The following SERINC1 variants were observed in gnomAD, a reference collection of about 807,000 sequenced individuals.
The protein encoded by SERINC1 is serine incorporator 1.
Under a neutral mutation model 52.9 loss-of-function variants are expected in SERINC1, and 38 were observed. The ratio of observed to expected loss-of-function variants is 0.72; its 90% CI spans 0.55 to 0.94. SERINC1 has a LOEUF of 0.94. Ranked by LOEUF, SERINC1 falls within the 40% of genes least tolerant of loss-of-function variation. SERINC1 has a pLI of 0.00. For missense variants in SERINC1, 471 were observed against 533.9 expected (o/e 0.88, Z 1.16); for synonymous variants, 198 against 183.1 (o/e 1.08, Z -0.66).
chr6:122,449,740 G>T (rs1206422855), intron 7 of SERINC1, among the ~76,000 whole-genome samples: 6 of 152,220 alleles, frequency 3.9e-5, no homozygotes, highest in Non-Finnish European at 7.3e-5. Flanking sequence ...ACACTGGTCA[G>T]GCATGGTTGC....
intron 1 of SERINC1, 90 bp downstream of exon 1, chr6:122,471,609 A>G: frequency 6.5e-7 from 1 of 1,547,242 alleles, no homozygotes; most frequent in Non-Finnish European, 8.9e-7. Flanking sequence ...GGGGCACCAC[A>G]TTCCCGCCGG....
chr6:122,445,883 C>CAAAAAAAAAAAAAAAAAAAAAAA (rs71018202), intron 9 of SERINC1, among the ~76,000 whole-genome samples: 18 of 62,800 alleles, frequency 2.9e-4, no homozygotes, highest in Non-Finnish European at 3.4e-4. Context: ...GACTCCATTT[C>CAAAAAAAAAAAAAAAAAAAAAAA]AAAAAAAAAA....
chr6:122,460,979 C>T (rs1403581577), intron 1 of SERINC1, among the ~76,000 whole-genome samples: 1 of 151,568 alleles, frequency 6.6e-6, no homozygotes, highest in Non-Finnish European at 1.5e-5. Flanking sequence ...TAATAATGAA[C>T]CTGAAGACAT....
intron 1 of SERINC1, among the ~76,000 whole-genome samples, chr6:122,469,545 GTT>G (rs1002724954): frequency 6.7e-6 from 1 of 149,572 alleles, no homozygotes; most frequent in African/African-American, 2.5e-5. Flanking sequence ...GCTGATTTTT[GTT>G]TTTTTGTTTT....
At chr6:122,467,084 A>G (rs1775203143) in intron 1 of SERINC1, among the ~76,000 whole-genome samples, 1 of 152,168 alleles carries the variant, frequency 6.6e-6, no homozygotes, top group African/African-American at 2.4e-5. Flanking sequence ...CGTCAACCAA[A>G]TGAATACAAG....
In SERINC1 at chr6:122,465,331, T is replaced by G. The variant is rs890390000; in HGVS notation, c.39+6368A>C. On this transcript the variant is annotated intron_variant, in intron 1 of 9. Coordinates refer to ENST00000339697, the MANE Select transcript of SERINC1 (RefSeq NM_020755.4). Reference sequence around the variant, plus strand: ...GGTTGAATGTCTTTCCAAAGAGCAGTTAAGACTCCCAGATTTCATTCCATT... The same window carrying G: ...GGTTGAATGTCTTTCCAAAGAGCAGGTAAGACTCCCAGATTTCATTCCATT... Among the ~76,000 whole-genome samples the G allele has an allele frequency of 8.5e-5, 13 of 152,276 alleles. No homozygotes were observed. The East Asian group carries it at 9.7e-4, about 11-fold the overall frequency.
chr6:122,460,397 G>A (rs1775081074), intron 1 of SERINC1, among the ~76,000 whole-genome samples: 1 of 152,264 alleles, frequency 6.6e-6, no homozygotes, highest in South Asian at 2.1e-4. Flanking sequence ...TTTCTGCCTA[G>A]GGAGAATGTT....
Position 122,453,808 on chromosome 6 carries a change from T to C in SERINC1, c.551A>G (p.Glu184Gly). 1 of 1,608,458 alleles carries C rather than the reference T, an allele frequency of 6.2e-7. No homozygotes were observed. Among genetic ancestry groups the C allele is most frequent in the Non-Finnish European group, 8.5e-7 (1 of 1,176,168 alleles). The stretch of plus-strand genomic sequence containing the variant: ...TCTCGAGTTCCCTTCTTCCATTTTT[T>C]CAACCCACGATTCATTCCATGAATG... ...FAHSWNESWV[E>G]KMEEGNSRCW... Residue 184 changes from glutamate (E) to glycine (G), a missense_variant, in exon 5 of 10, where the codon GAA becomes GGA. Glu to Gly is a moderately conservative substitution (Grantham distance 98). Coordinates refer to ENST00000339697, the MANE Select transcript of SERINC1 (RefSeq NM_020755.4).
chr6:122,458,134 T>C (rs748501778), intron 2 of SERINC1, among the ~76,000 whole-genome samples: 5 of 152,186 alleles, frequency 3.3e-5, no homozygotes, highest in Non-Finnish European at 7.4e-5. Context: ...ACTTTATTAA[T>C]TGTAAGATTA....
At chr6:122,450,385 T>C (rs564214584) in intron 7 of SERINC1, among the ~76,000 whole-genome samples, 1 of 152,332 alleles carries the variant, frequency 6.6e-6, no homozygotes, top group South Asian at 2.1e-4. Context: ...AAAAGATCCT[T>C]TCAAAATATT....
intron 1 of SERINC1, among the ~76,000 whole-genome samples, chr6:122,462,021 TAA>T (rs1290363365): frequency 4.0e-4 from 61 of 152,204 alleles, no homozygotes; most frequent in African/African-American, 1.3e-3. Context: ...ATAAAAAGGA[TAA>T]TATATTGCCA....
In SERINC1 at chr6:122,458,063, G is replaced by A. The variant is rs184725532; in HGVS notation, c.201+457C>T. On this transcript the variant is annotated intron_variant, in intron 2 of 9. Transcript: ENST00000339697. ...ATCCAGAAAATCTTATTTCAGGTCC[G>A]CTATTCTCTTCTTGATTATACCACT... 3.7e-3 allele frequency among the ~76,000 whole-genome samples: 555 copies of A among 152,054 alleles called. 4 individuals are homozygous for A. The highest frequency in any genetic ancestry group is 0.012 in the African/African-American group (511 of 41,476).
At chr6:122,453,970 A>C in intron 4 of SERINC1, 63 bp from the exon 5 acceptor site, 2 of 1,501,592 alleles carry the variant, frequency 1.3e-6, no homozygotes, top group South Asian at 2.6e-5. Flanking sequence ...TTTCCTTTCA[A>C]AATCACAGTA....
At chr6:122,464,395 T>C (rs1328411972) in intron 1 of SERINC1, among the ~76,000 whole-genome samples, 1 of 152,140 alleles carries the variant, frequency 6.6e-6, no homozygotes, top group African/African-American at 2.4e-5. Context: ...CACACTACTT[T>C]TTGAGAAGGG....
chr6:122,454,286 T>C, intron 3 of SERINC1, 56 bp from the exon 4 acceptor site: 1 of 904,306 alleles, frequency 1.1e-6, no homozygotes, highest in Non-Finnish European at 1.7e-6. Context: ...AATAATTTCA[T>C]ATATGAAATC....
At position 122,446,819 on chromosome 6, in the gene SERINC1, A is replaced by G; in HGVS notation, c.1181T>C (p.Phe394Ser). The change falls in exon 9 of 10, where the codon TTC becomes TCC. Residue 394 changes from phenylalanine to serine, a missense_variant. Coordinates refer to ENST00000339697, the MANE Select transcript of SERINC1 (RefSeq NM_020755.4). ...YSYSFFHFML[F>S]LASLYIMMTL... ...CATCATGATATAAAGTGAAGCCAGGAAAAGCATGAAGTGAAAGAAGGAATA... is the reference window on the plus strand; with the variant it reads ...CATCATGATATAAAGTGAAGCCAGGGAAAGCATGAAGTGAAAGAAGGAATA... 6.2e-7 allele frequency: 1 copy of G among 1,613,900 alleles called. No homozygotes were observed. The highest frequency in any genetic ancestry group is 8.5e-7 in the Non-Finnish European group (1 of 1,179,760).
intron 1 of SERINC1, among the ~76,000 whole-genome samples, chr6:122,466,479 G>A (rs972528075): frequency 5.3e-5 from 8 of 151,996 alleles, no homozygotes; most frequent in Admixed American, 2.6e-4. Context: ...GGTGTAGCTG[G>A]GACCATAAGC....
Position 122,449,014 on chromosome 6 carries a change from T to C in SERINC1, c.851-1749A>G, listed in dbSNP as rs147697100. Among the ~76,000 whole-genome samples the C allele has an allele frequency of 4.7e-3, 720 of 152,280 alleles. 5 individuals are homozygous for C. The highest frequency in any genetic ancestry group is 7.7e-3 in the Non-Finnish European group (525 of 68,008). ...TCATCAGTGACCTATTATGTTACTA[T>C]TGTAATTTCTTTCGGGCACCACAAA... On this transcript the variant is annotated intron_variant, in intron 7 of 9. Transcript: ENST00000339697.
chr6:122,447,712 C>A (rs577744), intron 7 of SERINC1, among the ~76,000 whole-genome samples: 1 of 152,036 alleles, frequency 6.6e-6, no homozygotes, highest in African/African-American at 2.4e-5. Flanking sequence ...TGTTAAAAAA[C>A]CAAGACAGCT....
Sources: allele counts gnomAD v4.1 joint callset (sites outside exome capture counted in the v4.1 genomes callset), GRCh38; gene constraint gnomAD v4.1.1; transcripts MANE v1.5; gene names NCBI Gene and HGNC (gene_info 2026-07-23, HGNC 2026-07-21).